RBM19: variants seen among roughly 807,000 people sequenced by gnomAD.
RBM19 encodes the protein RNA binding motif protein 19, also known as probable RNA-binding protein 19.
RBM19 carries 94 observed loss-of-function variants against 116.8 expected under a neutral mutation model. That is an observed-to-expected ratio of 0.80 (90% CI 0.68 to 0.95). The LOEUF is 0.95. Among genes scored for constraint, RBM19 ranks in the 40% least tolerant of loss-of-function variants. RBM19 has a pLI of 0.00. For synonymous variants in RBM19, 475 were observed against 494.1 expected (o/e 0.96, Z 0.51); for missense variants, 1,161 against 1,220.7 (o/e 0.95, Z 0.73).
chr12:113,821,725 G>A (rs186703821), downstream of RBM19, among the ~76,000 whole-genome samples: 208 of 152,202 alleles, frequency 1.4e-3, no homozygotes, highest in African/African-American at 4.9e-3. Flanking sequence ...CTATGATCAT[G>A]CCACTGCACC....
rs1871296187 is a variant in RBM19, at chr12:113,949,335, G to A, written c.1073-299C>T. Among the ~76,000 whole-genome samples the A allele has an allele frequency of 2.0e-5, 3 of 152,308 alleles. No individual in the cohort carries two copies. The South Asian group carries it at 6.2e-4, about 32-fold the overall frequency. ...ACTCCGGGCTGTATTCTCTGGCACT[G>A]CTTGCTGTTCTGCCTTGGGAAGGGT... On this transcript the variant is annotated intron_variant, in intron 9 of 23. Transcript: ENST00000261741.
At chr12:113,884,513 G>C (rs1880396789) in intron 21 of RBM19, among the ~76,000 whole-genome samples, 1 of 152,132 alleles carries the variant, frequency 6.6e-6, no homozygotes, top group Non-Finnish European at 1.5e-5. Flanking sequence ...ATAATGCACA[G>C]AACGGCCTCC....
Position 113,854,067 on chromosome 12 carries a change from T to A in RBM19, c.2664+4724A>T, listed in dbSNP as rs572174455. Among the ~76,000 whole-genome samples the A allele has an allele frequency of 8.6e-5, 13 of 152,022 alleles. No homozygotes were observed. In the East Asian group the frequency reaches 2.3e-3, roughly 27 times the overall value. On this transcript the variant is annotated intron_variant, in intron 22 of 23. Coordinates refer to ENST00000261741, the MANE Select transcript of RBM19 (RefSeq NM_016196.4). ...AATCAGTGAATGAAGGGAGGAGGAA[T>A]CCCTGAATGCAAGCTTTGGAATTAG...
intron 23 of RBM19, among the ~76,000 whole-genome samples, chr12:113,836,507 C>G (rs565801796): frequency 2.0e-4 from 30 of 152,060 alleles, no homozygotes; most frequent in African/African-American, 7.2e-4. Flanking sequence ...TGGGGAGGGG[C>G]TGGGGGGTTT....
At chr12:113,842,959 C>T (rs1015849676) in intron 23 of RBM19, among the ~76,000 whole-genome samples, 3 of 152,196 alleles carry the variant, frequency 2.0e-5, no homozygotes, top group African/African-American at 7.2e-5. Flanking sequence ...ACAGTGTGGG[C>T]AGGAGGCAGT....
intron 22 of RBM19, among the ~76,000 whole-genome samples, chr12:113,857,342 G>A (rs758189951): frequency 2.6e-5 from 4 of 152,246 alleles, no homozygotes; most frequent in Non-Finnish European, 4.4e-5. Flanking sequence ...GACCGAGTCA[G>A]TGTCTCCCAT....
chr12:113,947,587 C>A (rs1401608072), intron 10 of RBM19, 123 bp from the exon 11 acceptor site: 1 of 1,054,218 alleles, frequency 9.5e-7, no homozygotes, highest in African/African-American at 1.6e-5. Context: ...CAGTCCCCTA[C>A]GTGTGTCTAT....
At chr12:113,859,209 G>C (rs1031143481) in intron 21 of RBM19, among the ~76,000 whole-genome samples, 6 of 152,194 alleles carry the variant, frequency 3.9e-5, no homozygotes, top group Non-Finnish European at 8.8e-5. Context: ...CTATGCACTG[G>C]GGAGGACCCT....
rs753675593 is a variant in RBM19, at chr12:113,962,277, T to C, written c.174A>G (p.Ala58=). 2.5e-6 allele frequency: 4 copies of C among 1,614,282 alleles called. No individual in the cohort carries two copies. The highest frequency in any genetic ancestry group is 3.4e-6 in the Non-Finnish European group (4 of 1,180,050). The part of the protein sequence containing the change: ...GFKSEEEAQK[A]QKHFNKSFID... ...TGAAGCTCTTGTTGAAATGCTTCTG[T>C]GCCTTCTGGGCCTCTTCCTCGGACT... The change falls in exon 2 of 24, where the codon GCA becomes GCG. Residue 58 remains alanine, a synonymous_variant. Transcript: ENST00000261741.
rs1374786303 is a variant in RBM19, at chr12:113,903,713, G to A, written c.2558+11256C>T. Among the ~76,000 whole-genome samples the A allele has an allele frequency of 3.3e-5, 5 of 152,094 alleles. No individual in the cohort carries two copies. Among genetic ancestry groups the A allele is most frequent in the Admixed American group, 6.5e-5 (1 of 15,274 alleles). On this transcript the variant is annotated intron_variant, in intron 21 of 23. Coordinates refer to ENST00000261741, the MANE Select transcript of RBM19 (RefSeq NM_016196.4). The surrounding 1 kb of genome is among the most constrained non-coding windows in gnomAD (Gnocchi z 5.1). Reference sequence around the variant, plus strand: ...TACCCTCAGCAGAAATCTGATTTTCGGTAACATTTGCTGTGAGTCAGAGCC... The same window carrying A: ...TACCCTCAGCAGAAATCTGATTTTCAGTAACATTTGCTGTGAGTCAGAGCC...
intron 1 of RBM19, among the ~76,000 whole-genome samples, chr12:113,964,706 G>T (rs1453926276): frequency 6.6e-6 from 1 of 152,116 alleles, no homozygotes; most frequent in East Asian, 1.9e-4. Context: ...TCACAGTTGA[G>T]GCCTAGCAGA....
Position 113,891,310 on chromosome 12 carries a change from T to C in RBM19, c.2558+23659A>G, listed in dbSNP as rs143533794. Among the ~76,000 whole-genome samples, 12 of 152,340 alleles carry C rather than the reference T, an allele frequency of 7.9e-5. No individual in the cohort carries two copies. In the East Asian group the frequency reaches 2.3e-3, roughly 29 times the overall value. On this transcript the variant is annotated intron_variant, in intron 21 of 23. Coordinates refer to ENST00000261741, the MANE Select transcript of RBM19 (RefSeq NM_016196.4). ...CTCTCTCTTGCTCAAACTTGGGCTG[T>C]TCCTCCCATGGGGAAGTCAACATTA...
chr12:113,937,097 C>T lies in RBM19; in HGVS notation c.1978G>A (p.Gly660Ser). Residue 660 changes from glycine to serine, a missense_variant, in exon 16 of 24, where the codon GGC (glycine) becomes AGC (serine). Transcript: ENST00000261741. Reference sequence around the variant, plus strand: ...TGTGGGGCTGTGCTGGAGAAGACGCCAACTGGAGCCCACTCCAGATAGAGG... The same window carrying T: ...TGTGGGGCTGTGCTGGAGAAGACGCTAACTGGAGCCCACTCCAGATAGAGG... ...VPLYLEWAPV[G>S]VFSSTAPQKK... The T allele has an allele frequency of 6.2e-7, 1 of 1,614,064 alleles. No homozygotes were observed. Among genetic ancestry groups the T allele is most frequent in the South Asian group, 1.1e-5 (1 of 91,076 alleles).
intron 23 of RBM19, among the ~76,000 whole-genome samples, chr12:113,824,889 G>A (rs996391810): frequency 1.3e-5 from 2 of 151,872 alleles, no homozygotes; most frequent in African/African-American, 2.4e-5. Context: ...TCTAAAACAT[G>A]TGCGTCAGAT....
intron 20 of RBM19, among the ~76,000 whole-genome samples, chr12:113,916,847 C>G (rs1031674573): frequency 6.6e-6 from 1 of 152,220 alleles, no homozygotes; most frequent in African/African-American, 2.4e-5. Flanking sequence ...AGACCCTGAG[C>G]CAGAATTCCC....
At chr12:113,924,001 T>G (rs1174319022) in intron 18 of RBM19, among the ~76,000 whole-genome samples, 1 of 152,202 alleles carries the variant, frequency 6.6e-6, no homozygotes, top group African/African-American at 2.4e-5. Flanking sequence ...GGCTGACACA[T>G]GTAGCATTCC....
At chr12:113,929,540 GAAA>G (rs1318045042) in intron 16 of RBM19, among the ~76,000 whole-genome samples, 1 of 152,220 alleles carries the variant, frequency 6.6e-6, no homozygotes, top group African/African-American at 2.4e-5. Flanking sequence ...AAAGCTGGAG[GAAA>G]AAGTACCACT....
At chr12:113,835,402 T>C (rs1475332336) in intron 23 of RBM19, among the ~76,000 whole-genome samples, 1 of 152,148 alleles carries the variant, frequency 6.6e-6, no homozygotes, top group Non-Finnish European at 1.5e-5. Context: ...GGATCTTAAT[T>C]GCACACGTGA....
chr12:113,936,763 A>G (rs1012618246), intron 16 of RBM19: 3 of 427,632 alleles, frequency 7.0e-6, no homozygotes, highest in Non-Finnish European at 8.3e-6. Flanking sequence ...CCTTGTTAAT[A>G]GATAGTAATT....
Sources: gnomAD v4.1 joint callset for allele counts (sites outside exome capture counted in the v4.1 genomes callset) on GRCh38, gnomAD v4.1.1 for gene constraint, Gnocchi (gnomAD v3.1) non-coding constraint, MANE v1.5 for transcripts, NCBI Gene and HGNC (gene_info 2026-07-23, HGNC 2026-07-21) for gene names.